The following TCTN2 variants were observed in gnomAD, a reference collection of about 807,000 sequenced individuals.
TCTN2 encodes tectonic-2.
TCTN2 carries 66 observed loss-of-function variants against 83.4 expected under a neutral mutation model. The observed-to-expected ratio is 0.79, with a 90% CI of 0.65 to 0.97. The LOEUF is 0.97. Among genes scored for constraint, TCTN2 ranks in the 50% least tolerant of loss-of-function variants. The pLI, the probability that TCTN2 is intolerant of heterozygous loss-of-function variation, is 0.00. For synonymous variants in TCTN2, 301 were observed against 326.7 expected, an observed-to-expected ratio of 0.92 and a Z score of 0.85; for missense variants, 794 against 858.1, an observed-to-expected ratio of 0.93 and a Z score of 0.93.
In TCTN2 at chr12:123,706,804, C is replaced by T. The variant is rs201834126; in HGVS notation, c.1848C>T (p.Ser616=). The change falls in exon 16 of 18, where the codon TCC becomes TCT. Residue 616 remains serine (S), a synonymous_variant. Transcript: ENST00000303372. ...CCGACCTTCTCCCTATCAGTGCATC[C>T]GTCCAGTTTATTAAAATTCCTGCAC... The part of the protein sequence containing the change: ...HKADLLPISA[S]VQFIKIPAQL... 9.8e-5 allele frequency: 158 copies of T among 1,614,030 alleles called. No individual in the cohort carries two copies. Among genetic ancestry groups the T allele is most frequent in the Middle Eastern group, 1.6e-4 (1 of 6,084 alleles).
intron 4 of TCTN2, among the ~76,000 whole-genome samples, chr12:123,676,016 T>C (rs766930152): frequency 6.6e-6 from 1 of 152,134 alleles, no homozygotes; most frequent in African/African-American, 2.4e-5. Flanking sequence ...TGGTGGCTCA[T>C]GCCTGTAATC....
At position 123,707,792 on chromosome 12, in the gene TCTN2, A is replaced by G; in HGVS notation, c.*79A>G. 9.1e-7 allele frequency: 1 copy of G among 1,096,616 alleles called. No homozygotes were observed. Among genetic ancestry groups the G allele is most frequent in the Non-Finnish European group, 1.4e-6 (1 of 716,322 alleles). 67.9% of individuals were successfully genotyped at this position (1,096,616 alleles called of 1,614,324 possible). A position where few individuals can be genotyped will look rare whatever the true frequency, so the allele number is the denominator to read the frequency against. ...GCTGAAGTGATCTCGGCTCACCACA[A>G]CCTCCTCCTCTTGGGTTCAAGCGAT... On this transcript the variant is annotated 3_prime_UTR_variant, in exon 18 of 18. Transcript: ENST00000303372.
chr12:123,688,956 A>G (rs1956009495), intron 7 of TCTN2, among the ~76,000 whole-genome samples: 1 of 151,388 alleles, frequency 6.6e-6, no homozygotes, highest in Non-Finnish European at 1.5e-5. Flanking sequence ...GGGTTTCTCC[A>G]TGTTGGTCAG....
At chr12:123,678,988 C>T (rs906533794) in intron 4 of TCTN2, among the ~76,000 whole-genome samples, 4 of 151,774 alleles carry the variant, frequency 2.6e-5, no homozygotes, top group Admixed American at 6.6e-5. Flanking sequence ...TAATAGAGAC[C>T]GGGTTTCACC....
chr12:123,673,037 A>G (rs1412060889), intron 3 of TCTN2, among the ~76,000 whole-genome samples: 2 of 152,176 alleles, frequency 1.3e-5, no homozygotes, highest in Non-Finnish European at 2.9e-5. Flanking sequence ...GTGATGAGCG[A>G]GACTCCGTCT....
At chr12:123,704,083 G>A (rs893060788) in intron 14 of TCTN2, among the ~76,000 whole-genome samples, 1 of 148,814 alleles carries the variant, frequency 6.7e-6, no homozygotes, top group Non-Finnish European at 1.5e-5. Context: ...CTTGGCTCAC[G>A]GCAAGCTCCG....
intron 5 of TCTN2, 35 bp from the exon 6 acceptor site, chr12:123,686,801 C>T (rs538235450): frequency 2.6e-5 from 42 of 1,607,152 alleles, no homozygotes; most frequent in Middle Eastern, 3.4e-4. Flanking sequence ...ATCCTGACCA[C>T]GGTCACAGCT....
chr12:123,682,292 T>C (rs985731389), intron 5 of TCTN2, among the ~76,000 whole-genome samples: 2 of 152,166 alleles, frequency 1.3e-5, no homozygotes, highest in African/African-American at 4.8e-5. Flanking sequence ...TTTTGATTTA[T>C]ATTTCTCTAG....
chr12:123,700,038 G>A, intron 14 of TCTN2: 1 of 585,564 alleles, frequency 1.7e-6, no homozygotes, highest in South Asian at 1.9e-5. Flanking sequence ...TTGAGACAGG[G>A]TTTCATTCTG....
chr12:123,707,529 C>A, intron 17 of TCTN2, 75 bp from the exon 18 acceptor site: 1 of 1,408,140 alleles, frequency 7.1e-7, no homozygotes, highest in Non-Finnish European at 1.0e-6. Context: ...TGAGCCACCA[C>A]ACCCAGCCTA....
At chr12:123,691,941 C>CTGG (rs1271699489) in intron 8 of TCTN2, among the ~76,000 whole-genome samples, 1 of 151,254 alleles carries the variant, frequency 6.6e-6, no homozygotes, top group African/African-American at 2.4e-5. Context: ...GTCCGCCAGG[C>CTGG]TGGAGTGCGA....
rs920975692 is a variant in TCTN2 at position 123,707,709 on chromosome 12, G to C, written c.2090G>C (p.Ser697Thr). The change falls in exon 18 of 18, where the codon AGT (serine) becomes ACT (threonine). Residue 697 changes from serine (S) to threonine (T), a missense_variant. Transcript: ENST00000303372. The part of the protein sequence containing the change: ...NPWTRICKAY[S>T] ...TGGACCAGAATATGCAAAGCCTATAGTTAGACAACCACCTGGCTTTTATTT... is the reference window on the plus strand; with the variant it reads ...TGGACCAGAATATGCAAAGCCTATACTTAGACAACCACCTGGCTTTTATTT... The C allele has an allele frequency of 4.3e-6, 7 of 1,613,094 alleles. No individual in the cohort carries two copies. The African/African-American group carries it at 8.0e-5, about 18-fold the overall frequency.
intron 14 of TCTN2, among the ~76,000 whole-genome samples, chr12:123,704,152 G>C (rs1399673125): frequency 2.6e-5 from 4 of 151,668 alleles, no homozygotes; most frequent in Non-Finnish European, 5.9e-5. Flanking sequence ...GACTACAGGC[G>C]AGCACCACCA....
intron 13 of TCTN2, among the ~76,000 whole-genome samples, chr12:123,699,450 C>A (rs1457695354): frequency 6.6e-6 from 1 of 152,114 alleles, no homozygotes; most frequent in East Asian, 1.9e-4. Flanking sequence ...CCACTGCACC[C>A]GGCCAAGTTA....
At position 123,704,668 on chromosome 12, in the gene TCTN2, G is replaced by T. The variant is rs750388936; in HGVS notation, c.1749G>T (p.Glu583Asp). 2 of 1,613,530 alleles carry T rather than the reference G, an allele frequency of 1.2e-6. No homozygotes were observed. The highest frequency in any genetic ancestry group is 1.7e-6 in the Non-Finnish European group (2 of 1,179,946). ...CGGTGGAAGGGATTACTCAGCAGGA[G>T]ATACTCGGTGTAGAGACAAGGTATG... ...AGAVEGITQQEILGVETRFSS... is the reference protein window; with the variant it reads ...AGAVEGITQQDILGVETRFSS... Residue 583 changes from glutamate to aspartate, a missense_variant, in exon 15 of 18, where the codon GAG (glutamate) becomes GAT (aspartate). Transcript: ENST00000303372.
intron 5 of TCTN2, among the ~76,000 whole-genome samples, chr12:123,684,282 T>C (rs1256248648): frequency 6.6e-6 from 1 of 152,136 alleles, no homozygotes; most frequent in Non-Finnish European, 1.5e-5. Flanking sequence ...TGTTTCCTTT[T>C]GTGGTGAAAG....
At position 123,688,127 on chromosome 12, in the gene TCTN2, C is replaced by G; in HGVS notation, c.841C>G (p.Gln281Glu). Residue 281 changes from glutamine to glutamate, a missense_variant, in exon 7 of 18, where the codon CAA becomes GAA. Physicochemically the swap from Gln to Glu is conservative, Grantham distance 29. Coordinates refer to ENST00000303372, the MANE Select transcript of TCTN2 (RefSeq NM_024809.5). ...AGACTTTGCAGACTTTGGTTACAAA[C>G]AAGGAGATCCCATTATGACTGTAAA... The part of the protein sequence containing the change: ...AKDFADFGYK[Q>E]GDPIMTVKKA... 6.2e-7 allele frequency: 1 copy of G among 1,613,442 alleles called. No homozygotes were observed. Among genetic ancestry groups the G allele is most frequent in the Non-Finnish European group, 8.5e-7 (1 of 1,179,684 alleles).
intron 5 of TCTN2, among the ~76,000 whole-genome samples, chr12:123,685,236 C>T (rs1171683124): frequency 6.6e-6 from 1 of 152,110 alleles, no homozygotes. Context: ...GGATCAGTGA[C>T]ATCTTCAGAT....
chr12:123,691,762 T>C (rs1332472899), intron 8 of TCTN2, among the ~76,000 whole-genome samples: 1 of 151,792 alleles, frequency 6.6e-6, no homozygotes, highest in Admixed American at 6.6e-5. Flanking sequence ...GAGGGAGTCT[T>C]GCTCTGTCAC....
Sources: gnomAD v4.1 joint callset for allele counts (sites outside exome capture counted in the v4.1 genomes callset) on GRCh38, gnomAD v4.1.1 for gene constraint, MANE v1.5 for transcripts, NCBI Gene and HGNC (gene_info 2026-07-23, HGNC 2026-07-21) for gene names.